The following ARL15 variants were observed in gnomAD, a reference collection of about 807,000 sequenced individuals.
ARL15 encodes the protein ADP-ribosylation factor-like protein 15.
In ARL15, 19 loss-of-function variants were observed where a neutral mutation model predicts 25.2. That is an observed-to-expected ratio of 0.75 (90% confidence interval 0.53 to 1.10). The LOEUF (loss-of-function observed/expected upper bound fraction) is 1.10, where lower values mean the gene tolerates loss of function less well. Ranked by LOEUF, ARL15 falls within the 50% of genes least tolerant of loss-of-function variation. ARL15 has a pLI of 0.00. For missense variants in ARL15, 220 were observed against 246.0 expected (o/e 0.89, Z 0.71); for synonymous variants, 94 against 86.8 (o/e 1.08, Z -0.46).
At chr5:54,128,131 C>T (rs16882271) in intron 3 of ARL15, among the ~76,000 whole-genome samples, 2,661 of 152,284 alleles carry the variant, frequency 0.017, 77 homozygotes, top group African/African-American at 0.061. Context: ...CTCTGCTACA[C>T]TTATGGCTTA....
At chr5:54,253,674 A>G (rs1371972422) in intron 1 of ARL15, among the ~76,000 whole-genome samples, 1 of 151,934 alleles carries the variant, frequency 6.6e-6, no homozygotes, top group East Asian at 1.9e-4. Context: ...TCCCTGCAGC[A>G]TCGACCTCGG....
intron 4 of ARL15, among the ~76,000 whole-genome samples, chr5:53,922,050 T>C (rs1361319052): frequency 1.3e-5 from 2 of 152,228 alleles, no homozygotes; most frequent in Non-Finnish European, 2.9e-5. Flanking sequence ...TATCTGCTCA[T>C]CAAACTACTT....
intron 4 of ARL15, among the ~76,000 whole-genome samples, chr5:53,910,848 G>A (rs1745441768): frequency 6.6e-6 from 1 of 151,302 alleles, no homozygotes; most frequent in African/African-American, 2.4e-5. Context: ...AAAGTGATTC[G>A]ACCAATTGGA....
At chr5:53,956,429 C>T (rs1281553264) in intron 4 of ARL15, among the ~76,000 whole-genome samples, 3 of 148,736 alleles carry the variant, frequency 2.0e-5, no homozygotes, top group Admixed American at 6.6e-5. Context: ...AAGTATGGTC[C>T]ATTCACAAAA....
intron 4 of ARL15, among the ~76,000 whole-genome samples, chr5:53,891,386 C>G (rs961782512): frequency 1.3e-5 from 2 of 152,152 alleles, no homozygotes; most frequent in African/African-American, 4.8e-5. Context: ...TTCCTTACTG[C>G]GTGGGACTCT....
At chr5:54,083,585 GA>G (rs908811591) in intron 4 of ARL15, among the ~76,000 whole-genome samples, 2 of 152,122 alleles carry the variant, frequency 1.3e-5, no homozygotes, top group Non-Finnish European at 2.9e-5. Context: ...AAATCAAAGA[GA>G]AAATGTCATT....
chr5:54,025,194 C>T (rs1054356051), intron 4 of ARL15, among the ~76,000 whole-genome samples: 1 of 150,898 alleles, frequency 6.6e-6, no homozygotes, highest in Non-Finnish European at 1.5e-5. Flanking sequence ...GTGAGGATAG[C>T]GACCAAAAGC....
Position 54,276,039 on chromosome 5 carries a change from C to A in ARL15, c.48+34393G>T, listed in dbSNP as rs1288682907. On this transcript the variant is annotated intron_variant, in intron 1 of 4. Transcript: ENST00000504924. ...CTGAGTAGCTGAGACTACTGGCACA[C>A]ACCATCATGCCTGGCCAGCTTGGAT... Among the ~76,000 whole-genome samples the A allele has an allele frequency of 3.3e-5, 5 of 152,044 alleles. No individual in the cohort carries two copies. The East Asian group carries it at 9.6e-4, about 29-fold the overall frequency.
At chr5:54,112,834 T>A (rs974501745) in intron 4 of ARL15, among the ~76,000 whole-genome samples, 1 of 151,976 alleles carries the variant, frequency 6.6e-6, no homozygotes, top group African/African-American at 2.4e-5. Flanking sequence ...TGAAGGCGAG[T>A]AATGCATGGA....
At chr5:54,151,861 T>C (rs1400683233) in intron 3 of ARL15, among the ~76,000 whole-genome samples, 4 of 152,208 alleles carry the variant, frequency 2.6e-5, no homozygotes, top group African/African-American at 9.6e-5. Flanking sequence ...GAATTTTAAC[T>C]TAAGACTGGG....
chr5:54,090,997 A>C (rs754508192), intron 4 of ARL15, among the ~76,000 whole-genome samples: 21 of 151,894 alleles, frequency 1.4e-4, no homozygotes, highest in Non-Finnish European at 2.9e-4. Flanking sequence ...GTAAAAAACA[A>C]GAGTTTCTCC....
At chr5:54,064,762 C>T (rs1751167112) in intron 4 of ARL15, among the ~76,000 whole-genome samples, 1 of 151,710 alleles carries the variant, frequency 6.6e-6, no homozygotes, top group Non-Finnish European at 1.5e-5. Context: ...TAGAATAGTG[C>T]CTGGCACATA....
intron 4 of ARL15, among the ~76,000 whole-genome samples, chr5:54,027,448 G>A (rs2111872380): frequency 6.6e-6 from 1 of 152,290 alleles, no homozygotes; most frequent in South Asian, 2.1e-4. Flanking sequence ...ACAGTTAAAT[G>A]AACTGCAGAA....
At chr5:54,117,690 G>C (rs755637514) in intron 3 of ARL15, among the ~76,000 whole-genome samples, 1 of 152,128 alleles carries the variant, frequency 6.6e-6, no homozygotes. Flanking sequence ...AACTGTTTGA[G>C]TTGTAAGCTA....
intron 3 of ARL15, among the ~76,000 whole-genome samples, chr5:54,133,764 A>G (rs769292070): frequency 2.0e-5 from 3 of 152,210 alleles, no homozygotes; most frequent in Non-Finnish European, 2.9e-5. Context: ...CAACCTAACA[A>G]TTGGAAGAAG....
intron 4 of ARL15, among the ~76,000 whole-genome samples, chr5:53,967,474 A>C (rs6884926): frequency 0.028 from 4,330 of 152,268 alleles, 232 homozygotes; most frequent in African/African-American, 0.099. Flanking sequence ...AACTTGATAA[A>C]ATTTAGAAAC....
chr5:54,122,439 A>T (rs1725633298), intron 3 of ARL15, among the ~76,000 whole-genome samples: 1 of 152,288 alleles, frequency 6.6e-6, no homozygotes, highest in South Asian at 2.1e-4. Flanking sequence ...ATGCGTGCGC[A>T]ATGTGCGTGT....
intron 4 of ARL15, among the ~76,000 whole-genome samples, chr5:54,014,203 C>T (rs755414335): frequency 2.6e-5 from 4 of 152,110 alleles, no homozygotes; most frequent in Admixed American, 2.6e-4. Flanking sequence ...AAACACTACT[C>T]CCTGGTATAA....
At chr5:54,250,057 T>C (rs1225783845) in intron 1 of ARL15, among the ~76,000 whole-genome samples, 3 of 152,128 alleles carry the variant, frequency 2.0e-5, no homozygotes, top group Non-Finnish European at 4.4e-5. Flanking sequence ...ACAGGAAGCA[T>C]GGCACTGGCA....
Sources: gnomAD v4.1 joint callset for allele counts (sites outside exome capture counted in the v4.1 genomes callset) on GRCh38, gnomAD v4.1.1 for gene constraint, MANE v1.5 for transcripts, NCBI Gene and HGNC (gene_info 2026-07-23, HGNC 2026-07-21) for gene names.